Variants in PLCXD2 observed in about 807,000 individuals in gnomAD.
PLCXD2 encodes the protein PI-PLC X domain-containing protein 2.
A neutral mutation model predicts 28.6 loss-of-function variants in PLCXD2; 21 were observed. That is an observed-to-expected ratio of 0.73 (90% confidence interval 0.52 to 1.06). The LOEUF is 1.06. PLCXD2 is among the 50% of genes least tolerant of loss of function. PLCXD2 has a pLI of 0.00. For missense variants in PLCXD2, 369 were observed against 376.7 expected (o/e 0.98, Z 0.17); for synonymous variants, 140 against 150.1 (o/e 0.93, Z 0.49).
chr3:111,726,332 A>G (rs1335931506), intron 3 of PLCXD2: 1 of 153,104 alleles, frequency 6.5e-6, no homozygotes, highest in Non-Finnish European at 1.5e-5. Flanking sequence ...CAATATAATA[A>G]TAAGTATTAA....
At chr3:111,715,150 A>G (rs565450534) in intron 3 of PLCXD2, among the ~76,000 whole-genome samples, 1 of 152,304 alleles carries the variant, frequency 6.6e-6, no homozygotes, top group South Asian at 2.1e-4. Flanking sequence ...CATGGACAAA[A>G]CCAGAAAGTG....
intron 1 of PLCXD2, among the ~76,000 whole-genome samples, chr3:111,688,536 A>C (rs1940828645): frequency 6.6e-6 from 1 of 152,218 alleles, no homozygotes; most frequent in South Asian, 2.1e-4. Context: ...GGTCTTCCAC[A>C]TGGCTGACCT....
At chr3:111,720,955 A>G (rs1435153802) in intron 3 of PLCXD2, 5 of 413,604 alleles carry the variant, frequency 1.2e-5, no homozygotes, top group Non-Finnish European at 2.2e-5. Flanking sequence ...TCCTGTTAGG[A>G]TGGCCCCTGG....
intron 1 of PLCXD2, among the ~76,000 whole-genome samples, chr3:111,703,461 A>C (rs1211318903): frequency 6.6e-6 from 1 of 152,194 alleles, no homozygotes; most frequent in African/African-American, 2.4e-5. Flanking sequence ...TTGTTAGCAC[A>C]TCTCCCTCTG....
intron 1 of PLCXD2, among the ~76,000 whole-genome samples, chr3:111,679,008 T>G (rs1048486333): frequency 3.9e-5 from 6 of 152,146 alleles, no homozygotes; most frequent in Non-Finnish European, 8.8e-5. Context: ...AGACCCTAAG[T>G]GCACTTTAAG....
At chr3:111,705,005 C>G (rs1941097335) in intron 1 of PLCXD2, among the ~76,000 whole-genome samples, 1 of 151,952 alleles carries the variant, frequency 6.6e-6, no homozygotes, top group African/African-American at 2.4e-5. Context: ...AAGGTAGAGA[C>G]AGGGTTTCAT....
intron 1 of PLCXD2, among the ~76,000 whole-genome samples, chr3:111,690,906 T>C (rs1258864522): frequency 6.6e-6 from 1 of 152,174 alleles, no homozygotes; most frequent in African/African-American, 2.4e-5. Context: ...CAATGATAAA[T>C]TCCATTAAAA....
intron 1 of PLCXD2, among the ~76,000 whole-genome samples, chr3:111,681,840 GC>G (rs1407558421): frequency 5.9e-5 from 9 of 152,192 alleles, no homozygotes; most frequent in Admixed American, 5.2e-4. Flanking sequence ...TTGACAGGTA[GC>G]TTCTACATCT....
At chr3:111,676,452 TC>T (rs1407053902) in intron 1 of PLCXD2, among the ~76,000 whole-genome samples, 1 of 152,212 alleles carries the variant, frequency 6.6e-6, no homozygotes, top group Admixed American at 6.5e-5. Context: ...ATCTTTGCTT[TC>T]TGTGCATGAG....
intron 1 of PLCXD2, among the ~76,000 whole-genome samples, chr3:111,679,311 A>T (rs1043342404): frequency 6.6e-6 from 1 of 152,066 alleles, no homozygotes; most frequent in African/African-American, 2.4e-5. Flanking sequence ...ATGGGAGTAA[A>T]TGGGGGTATA....
chr3:111,722,590 T>A (rs527699078), intron 3 of PLCXD2: 1 of 152,370 alleles, frequency 6.6e-6, no homozygotes, highest in South Asian at 2.1e-4. Context: ...CAGCACCATC[T>A]GAGAATCCCT....
intron 1 of PLCXD2, chr3:111,677,328 G>A (rs955689812): frequency 1.1e-4 from 16 of 152,080 alleles, no homozygotes; most frequent in African/African-American, 2.4e-4. Flanking sequence ...CCTCTACCTC[G>A]AGCTTCATAC....
Position 111,701,564 on chromosome 3 carries a change from C to T in PLCXD2, c.164-6362C>T, listed in dbSNP as rs144159629. 3.6e-4 allele frequency among the ~76,000 whole-genome samples: 54 copies of T among 152,054 alleles called. No individual in the cohort carries two copies. In the East Asian group the frequency reaches 0.01, roughly 28 times the overall value. On this transcript the variant is annotated intron_variant, in intron 1 of 4. Transcript: ENST00000477665. ...TTGAGTTTGAGCTTTATTTGGAAGGCGGGAAGTGGGAGGAATGTGTCATAA... is the reference window on the plus strand; with the variant it reads ...TTGAGTTTGAGCTTTATTTGGAAGGTGGGAAGTGGGAGGAATGTGTCATAA...
intron 1 of PLCXD2, among the ~76,000 whole-genome samples, chr3:111,694,169 C>A (rs772645026): frequency 2.3e-4 from 35 of 152,156 alleles, no homozygotes; most frequent in Non-Finnish European, 4.0e-4. Flanking sequence ...TGATTCTCAC[C>A]CTCCTCAGCC....
chr3:111,704,252 C>T (rs1454008871), intron 1 of PLCXD2, among the ~76,000 whole-genome samples: 2 of 151,894 alleles, frequency 1.3e-5, no homozygotes, highest in African/African-American at 4.9e-5. Context: ...AGGCATTTTC[C>T]TTCTAGATTT....
intron 1 of PLCXD2, among the ~76,000 whole-genome samples, chr3:111,700,919 A>G (rs1941032459): frequency 6.6e-6 from 1 of 152,206 alleles, no homozygotes; most frequent in Admixed American, 6.5e-5. Flanking sequence ...TCAAAAAGTC[A>G]GAAATTAAAT....
At chr3:111,679,049 G>A (rs1940671035) in intron 1 of PLCXD2, among the ~76,000 whole-genome samples, 1 of 152,012 alleles carries the variant, frequency 6.6e-6, no homozygotes, top group African/African-American at 2.4e-5. Context: ...ATATATATAT[G>A]TATATATGTA....
Position 111,714,823 on chromosome 3 carries a change from C to CAT in PLCXD2, c.866+696_866+697dup, listed in dbSNP as rs145780929. 6.6e-3 allele frequency among the ~76,000 whole-genome samples: 998 copies of CAT among 152,190 alleles called. 7 individuals are homozygous for CAT. Among genetic ancestry groups the CAT allele is most frequent in the African/African-American group, 0.023 (955 of 41,520 alleles). On this transcript the variant is annotated intron_variant, in intron 3 of 4. Coordinates refer to ENST00000477665, the MANE Select transcript of PLCXD2 (RefSeq NM_001185106.1). ...GTATGTATGTGTCTATGTACCTGTA[C>CAT]ATGTGTATGTGTATATGTATATGTA...
chr3:111,685,371 CTT>C (rs2107842403), intron 1 of PLCXD2, among the ~76,000 whole-genome samples: 1 of 152,294 alleles, frequency 6.6e-6, no homozygotes, highest in Non-Finnish European at 1.5e-5. Flanking sequence ...TGAATTCTCT[CTT>C]GGCAGCTTGG....
Sources: allele counts gnomAD v4.1 joint callset (sites outside exome capture counted in the v4.1 genomes callset), GRCh38; gene constraint gnomAD v4.1.1; transcripts MANE v1.5; gene names NCBI Gene and HGNC (gene_info 2026-07-23, HGNC 2026-07-21).